ERI1: variants seen among roughly 807,000 people sequenced by gnomAD.
The protein encoded by ERI1 is exoribonuclease 1, also known as 3'-5' exoribonuclease 1.
A neutral mutation model predicts 39.7 loss-of-function variants in ERI1; 39 were observed. That is an observed-to-expected ratio of 0.98 (90% CI 0.76 to 1.28). The LOEUF (loss-of-function observed/expected upper bound fraction) is 1.28, where lower values mean the gene tolerates loss of function less well. Ranked by LOEUF, ERI1 falls within the 50% of genes most tolerant of loss-of-function variation. ERI1 has a pLI of 0.00. For missense variants in ERI1, 581 were observed against 416.9 expected (o/e 1.39, Z -3.43); for synonymous variants, 204 against 149.6 (o/e 1.36, Z -2.65).
chr8:9,015,709 G>C (rs113262909), intron 3 of ERI1, among the ~76,000 whole-genome samples: 3 of 102,064 alleles, frequency 2.9e-5, no homozygotes, highest in South Asian at 2.9e-4. Context: ...GAGACAGAGC[G>C]AGACTCTGTC....
intron 3 of ERI1, among the ~76,000 whole-genome samples, chr8:9,098,793 C>G (rs572700387): frequency 6.6e-6 from 1 of 152,108 alleles, no homozygotes; most frequent in African/African-American, 2.4e-5. Flanking sequence ...AATTGACTTA[C>G]AGCAAATTGC....
intron 3 of ERI1, among the ~76,000 whole-genome samples, chr8:9,080,439 A>G (rs1379655791): frequency 6.6e-6 from 1 of 152,162 alleles, no homozygotes; most frequent in African/African-American, 2.4e-5. Flanking sequence ...TGGCAGTAAG[A>G]ACCAGTTAGC....
chr8:9,040,729 T>TGG (rs5889257), intron 3 of ERI1, among the ~76,000 whole-genome samples: 23 of 148,644 alleles, frequency 1.5e-4, no homozygotes, highest in South Asian at 8.6e-4. Context: ...AGTGTGTGTG[T>TGG]GGGGGGGGGG....
chr8:9,006,625 A>G (rs370971973), intron 1 of ERI1, among the ~76,000 whole-genome samples: 3 of 152,202 alleles, frequency 2.0e-5, no homozygotes, highest in African/African-American at 7.2e-5. Context: ...AGCAATATCT[A>G]TTGTAAATCT....
intron 3 of ERI1, among the ~76,000 whole-genome samples, chr8:9,040,355 C>T (rs997642770): frequency 1.3e-5 from 2 of 152,204 alleles, no homozygotes; most frequent in Non-Finnish European, 1.5e-5. Context: ...GCCCTAAGGC[C>T]TTAAGCTGAC....
chr8:9,065,635 C>A (rs987278859), intron 3 of ERI1, among the ~76,000 whole-genome samples: 1 of 141,450 alleles, frequency 7.1e-6, no homozygotes, highest in South Asian at 2.2e-4. Context: ...GCGGAGCTTG[C>A]AGTGAGCTGA....
intron 1 of ERI1, among the ~76,000 whole-genome samples, chr8:9,005,165 G>T (rs1242682604): frequency 6.6e-6 from 1 of 152,096 alleles, no homozygotes; most frequent in Non-Finnish European, 1.5e-5. Flanking sequence ...CGTCAATCAA[G>T]AAAAATTCTA....
At chr8:9,067,523 C>T (rs140690718) in intron 3 of ERI1, among the ~76,000 whole-genome samples, 1 of 151,952 alleles carries the variant, frequency 6.6e-6, no homozygotes, top group East Asian at 1.9e-4. Context: ...GGCATGGTGG[C>T]ATACACCTAT....
intron 4 of ERI1, among the ~76,000 whole-genome samples, chr8:9,017,911 C>T (rs1487089416): frequency 6.6e-6 from 1 of 152,046 alleles, no homozygotes; most frequent in Non-Finnish European, 1.5e-5. Flanking sequence ...ATGTAGTATG[C>T]GTGGAAAATT....
rs999205046 is a variant in ERI1 at position 9,045,287 on chromosome 8, G to A, written n.299+24823G>A. 2.0e-5 allele frequency among the ~76,000 whole-genome samples: 3 copies of A among 151,288 alleles called. No individual in the cohort carries two copies. In the East Asian group the frequency reaches 5.8e-4, roughly 29 times the overall value. On this transcript the variant is annotated intron_variant and non_coding_transcript_variant, in intron 3 of 3. Transcript: ENST00000518663. ...TAATATTACGTTCAGCCCTAAGCTG[G>A]CTTCTCAGATTTCCACTAGACTGGT...
chr8:9,010,415 G>A (rs956266035), intron 2 of ERI1, among the ~76,000 whole-genome samples: 6 of 152,264 alleles, frequency 3.9e-5, no homozygotes, highest in East Asian at 1.9e-4. Context: ...GATTTTCTCC[G>A]TAGGTCTTGA....
intron 3 of ERI1, among the ~76,000 whole-genome samples, chr8:9,041,022 G>GT (rs1798000151): frequency 6.6e-6 from 1 of 152,192 alleles, no homozygotes; most frequent in South Asian, 2.1e-4. Context: ...ACCGTTTTCA[G>GT]TGCAGACAGC....
chr8:9,038,889 G>A (rs1176101826), intron 3 of ERI1, among the ~76,000 whole-genome samples: 2 of 152,202 alleles, frequency 1.3e-5, no homozygotes, highest in Non-Finnish European at 2.9e-5. Flanking sequence ...AGGGGGTCCA[G>A]CATCAATTCT....
chr8:9,090,953 A>C (rs552502540), intron 3 of ERI1, among the ~76,000 whole-genome samples: 1 of 152,284 alleles, frequency 6.6e-6, no homozygotes, highest in South Asian at 2.1e-4. Context: ...ATTACTTTCT[A>C]ATACTTAGCA....
downstream of ERI1, among the ~76,000 whole-genome samples, chr8:9,034,629 T>C (rs955831986): frequency 3.3e-5 from 5 of 152,160 alleles, no homozygotes; most frequent in Admixed American, 3.3e-4. Flanking sequence ...TCCCCATCGC[T>C]CCCTCTCCAG....
chr8:9,009,748 C>T (rs1816466111), intron 2 of ERI1, among the ~76,000 whole-genome samples: 1 of 152,146 alleles, frequency 6.6e-6, no homozygotes, highest in African/African-American at 2.4e-5. Context: ...CCATGTTGCC[C>T]AGGCTGGTCT....
chr8:9,015,753 GAAAGCTTCTTGA>G (rs761442514), intron 3 of ERI1, among the ~76,000 whole-genome samples: 8 of 142,050 alleles, frequency 5.6e-5, no homozygotes, highest in Non-Finnish European at 9.1e-5. Flanking sequence ...AGACCATCGT[GAAAGCTTCTTGA>G]AAAGATTCAA....
chr8:9,019,531 T>C (rs188935377), intron 5 of ERI1, among the ~76,000 whole-genome samples: 2 of 152,186 alleles, frequency 1.3e-5, no homozygotes, highest in Non-Finnish European at 2.9e-5. Flanking sequence ...TCAAAACCTA[T>C]GCAATTTTGT....
At chr8:9,028,543 A>T (rs778136795) in intron 6 of ERI1, among the ~76,000 whole-genome samples, 4 of 152,274 alleles carry the variant, frequency 2.6e-5, no homozygotes, top group Non-Finnish European at 4.4e-5. Flanking sequence ...GAGGTCCAAG[A>T]TGCATAGGCA....
Sources: allele counts gnomAD v4.1 joint callset (sites outside exome capture counted in the v4.1 genomes callset), GRCh38; gene constraint gnomAD v4.1.1; transcripts MANE v1.5; gene names NCBI Gene and HGNC (gene_info 2026-07-23, HGNC 2026-07-21).